LARP4B: variants seen among roughly 807,000 people sequenced by gnomAD.
LARP4B encodes the protein la-related protein 4B.
In LARP4B, 12 loss-of-function variants were observed where a neutral mutation model predicts 89.8. That is an observed-to-expected ratio of 0.13 (90% confidence interval 0.09 to 0.22). The LOEUF is 0.22. LARP4B is among the 10% of genes least tolerant of loss of function. LARP4B has a pLI of 1.00. For missense variants in LARP4B, 757 were observed against 947.7 expected, an observed-to-expected ratio of 0.80 and a Z score of 2.64; for synonymous variants, 367 against 363.3, an observed-to-expected ratio of 1.01 and a Z score of -0.12.
At chr10:860,050 A>G (rs1396570969) in intron 5 of LARP4B, among the ~76,000 whole-genome samples, 1 of 139,588 alleles carries the variant, frequency 7.2e-6, no homozygotes, top group East Asian at 2.3e-4. Context: ...ATGTGCCAAT[A>G]TAGGATCATC....
At chr10:938,585 G>T in the LARP4B span, among the ~76,000 whole-genome samples, 1 of 152,194 alleles carries the variant, frequency 6.6e-6, no homozygotes, top group East Asian at 1.9e-4. Flanking sequence ...CTGTGTAAGA[G>T]AATGTCTTTT....
intron 14 of LARP4B, 74 bp downstream of exon 14, chr10:820,726 T>C (rs1832308690): frequency 1.2e-5 from 16 of 1,318,588 alleles, no homozygotes; most frequent in Non-Finnish European, 1.7e-5. Flanking sequence ...CCTTAATCCA[T>C]TTAATTAAAT....
chr10:983,110 T>C, the LARP4B span, among the ~76,000 whole-genome samples: 2 of 152,254 alleles, frequency 1.3e-5, no homozygotes, highest in Non-Finnish European at 2.9e-5. Context: ...TTTGACATTA[T>C]TCGTTGTAGC....
the LARP4B span, among the ~76,000 whole-genome samples, chr10:978,148 C>G: frequency 1.3e-5 from 2 of 152,190 alleles, no homozygotes; most frequent in Non-Finnish European, 2.9e-5. Context: ...ACCATTTAGT[C>G]TTTTCCTTAT....
chr10:888,840 C>T (rs1318658790), intron 1 of LARP4B, among the ~76,000 whole-genome samples: 2 of 152,192 alleles, frequency 1.3e-5, no homozygotes, highest in Non-Finnish European at 2.9e-5. Flanking sequence ...TAATCCCGCA[C>T]TTTGGGAGGC....
Position 814,606 on chromosome 10 carries a change from A to C in LARP4B, c.1929+136T>G. 1 of 1,540,668 alleles carries C rather than the reference A, an allele frequency of 6.5e-7. No individual in the cohort carries two copies. The highest frequency in any genetic ancestry group is 8.8e-7 in the Non-Finnish European group (1 of 1,138,786). ...ATTAAAGGTATTTTGTACAGAAAAC[A>C]CAACACAGACAGACGCAAATAAAAA... On this transcript the variant is annotated intron_variant, in intron 17 of 17. Transcript: ENST00000316157. This position sits in a 1 kb window ranked among gnomAD's most constrained non-coding sequence, Gnocchi z 4.4.
At chr10:891,900 T>A (rs1836034412) in intron 1 of LARP4B, among the ~76,000 whole-genome samples, 1 of 152,242 alleles carries the variant, frequency 6.6e-6, no homozygotes, top group African/African-American at 2.4e-5. Flanking sequence ...TGTGTGAATC[T>A]AAAATGAGAT....
chr10:938,529 AG>A, the LARP4B span, among the ~76,000 whole-genome samples: 3 of 152,222 alleles, frequency 2.0e-5, no homozygotes, highest in Non-Finnish European at 2.9e-5. Flanking sequence ...CTGGGATTAC[AG>A]GCGTGAGCCA....
At chr10:975,082 C>T in the LARP4B span, among the ~76,000 whole-genome samples, 1 of 152,232 alleles carries the variant, frequency 6.6e-6, no homozygotes, top group Non-Finnish European at 1.5e-5. Flanking sequence ...AACCAGCACA[C>T]AGAAATGCCT....
At chr10:838,995 T>C (rs1038559020) in intron 7 of LARP4B, among the ~76,000 whole-genome samples, 2 of 152,072 alleles carry the variant, frequency 1.3e-5, no homozygotes, top group Non-Finnish European at 2.9e-5. Context: ...TATTGCTAAG[T>C]GAAAGAAGCC....
chr10:825,068 C>G lies in LARP4B; in HGVS notation c.1481G>C (p.Gly494Ala). The G allele has an allele frequency of 6.2e-7, 1 of 1,613,246 alleles. No homozygotes were observed. The highest frequency in any genetic ancestry group is 8.5e-7 in the Non-Finnish European group (1 of 1,179,290). Residue 494 changes from glycine (G) to alanine (A), a missense_variant, in exon 13 of 18, where the codon GGA (glycine) becomes GCA (alanine). Gly to Ala is a moderately conservative substitution (Grantham distance 60). This residue lies in a region of LARP4B where 387 missense variants were observed against 423.6 expected (regional missense o/e 0.91). Transcript: ENST00000316157. ...SLESSPGLGR[G>A]RKNSFGYRKK... is the part of the protein sequence containing the mutation. ...CAGTAACTGCTCAACAACTCACCTT[C>G]CCCTCCCTAAACCAGGAGAGGATTC...
the LARP4B span, among the ~76,000 whole-genome samples, chr10:977,592 C>A: frequency 1.3e-5 from 2 of 151,856 alleles, no homozygotes; most frequent in Non-Finnish European, 2.9e-5. Context: ...GCTTCAGCCT[C>A]CCAAGGTGTT....
intron 1 of LARP4B, among the ~76,000 whole-genome samples, chr10:927,665 A>G (rs1837182144): frequency 6.6e-6 from 1 of 152,240 alleles, no homozygotes; most frequent in African/African-American, 2.4e-5. Flanking sequence ...TCACATCAAT[A>G]AAGTTCTACA....
chr10:914,493 A>G (rs1351589454), intron 1 of LARP4B, among the ~76,000 whole-genome samples: 6 of 150,714 alleles, frequency 4.0e-5, no homozygotes, highest in Non-Finnish European at 4.4e-5. Context: ...AGGAAGACTC[A>G]GCCAAAAAAA....
chr10:976,556 G>A, the LARP4B span, among the ~76,000 whole-genome samples: 73,885 of 145,074 alleles, frequency 0.51, 18,923 homozygotes, highest in Middle Eastern at 0.63. Context: ...TAGGTGCCGC[G>A]TAATGTGTGG....
chr10:951,361 C>A, the LARP4B span, among the ~76,000 whole-genome samples: 1 of 151,962 alleles, frequency 6.6e-6, no homozygotes, highest in African/African-American at 2.4e-5. Flanking sequence ...CCAGCCTGGC[C>A]AATATGGTGA....
chr10:845,359 T>A (rs1268097913), intron 5 of LARP4B, among the ~76,000 whole-genome samples: 1 of 152,136 alleles, frequency 6.6e-6, no homozygotes, highest in African/African-American at 2.4e-5. Flanking sequence ...CTTGTCTCAC[T>A]GCAAAAAGAA....
intron 7 of LARP4B, 132 bp downstream of exon 7, chr10:842,800 C>T (rs922172949): frequency 6.4e-6 from 5 of 778,730 alleles, no homozygotes; most frequent in Admixed American, 2.9e-5. Flanking sequence ...CAGAAAGGAA[C>T]GGAAGGCCAG....
intron 3 of LARP4B, among the ~76,000 whole-genome samples, chr10:874,700 T>C (rs949083468): frequency 6.6e-6 from 1 of 152,248 alleles, no homozygotes; most frequent in African/African-American, 2.4e-5. Context: ...CTTTAACCTA[T>C]GAGTTATGAC....
Sources: gnomAD v4.1 joint callset for allele counts (sites outside exome capture counted in the v4.1 genomes callset) on GRCh38, gnomAD v4.1.1 for gene constraint, gnomAD v4.1.1 regional missense constraint, Gnocchi (gnomAD v3.1) non-coding constraint, MANE v1.5 for transcripts, NCBI Gene and HGNC (gene_info 2026-07-23, HGNC 2026-07-21) for gene names.